The following FAN1 variants were observed in gnomAD, a reference collection of about 807,000 sequenced individuals.
FAN1 encodes fanconi-associated nuclease 1.
FAN1 carries 91 observed loss-of-function variants against 104.9 expected under a neutral mutation model. The ratio of observed to expected loss-of-function variants is 0.87; its 90% CI spans 0.73 to 1.03. The LOEUF (loss-of-function observed/expected upper bound fraction) is 1.03, where lower values mean the gene tolerates loss of function less well. Among genes scored for constraint, FAN1 ranks in the 50% least tolerant of loss-of-function variants. The probability of loss-of-function intolerance (pLI) is 0.00; values close to 1 mark genes in which losing one functional copy is unlikely to be tolerated. For missense variants in FAN1, 1,263 were observed against 1,239.9 expected (o/e 1.02, Z -0.28); for synonymous variants, 478 against 457.6 (o/e 1.04, Z -0.57).
intron 13 of FAN1, among the ~76,000 whole-genome samples, chr15:30,932,550 G>A (rs894232467): frequency 1.3e-5 from 2 of 151,958 alleles, no homozygotes; most frequent in African/African-American, 4.8e-5. Context: ...TGGAGATTTT[G>A]GGGGGAGGAA....
chr15:30,939,594 T>C (rs906630050), intron 14 of FAN1: 17 of 933,784 alleles, frequency 1.8e-5, no homozygotes, highest in Non-Finnish European at 2.2e-5. Flanking sequence ...TTTTTAACCA[T>C]TATTAATAGT....
rs1439483690 is a variant in FAN1 at position 30,904,619 on chromosome 15, T to C, written c.-45T>C. 6.3e-7 allele frequency: 1 copy of C among 1,582,458 alleles called. No individual in the cohort carries two copies. The highest frequency in any genetic ancestry group is 1.3e-5 in the African/African-American group (1 of 74,356). On this transcript the variant is annotated 5_prime_UTR_variant, in exon 2 of 15. Coordinates refer to ENST00000362065, the MANE Select transcript of FAN1 (RefSeq NM_014967.5). ...AACCATTGCTATCTTTCACCTTAAA[T>C]ATCCTGTGTTTTATTGCTCAGAACA... is the stretch of plus-strand genomic sequence containing the variant.
At chr15:30,940,834 T>TA (rs1227818966) in intron 14 of FAN1, 2 of 989,044 alleles carry the variant, frequency 2.0e-6, no homozygotes, top group African/African-American at 1.7e-5. Context: ...CTTCTAAGTT[T>TA]AATTATCTGC....
intron 4 of FAN1, chr15:30,911,664 T>TTA: frequency 1.1e-6 from 1 of 905,230 alleles, no homozygotes; most frequent in Middle Eastern, 5.7e-4. Context: ...CTCATCTGTG[T>TTA]GGTATGTTAA....
At chr15:30,904,256 G>A (rs2061916151) in intron 1 of FAN1, among the ~76,000 whole-genome samples, 1 of 152,186 alleles carries the variant, frequency 6.6e-6, no homozygotes, top group Non-Finnish European at 1.5e-5. Context: ...TGGTCAAATT[G>A]TCCCTTTTTA....
At chr15:30,938,986 A>T (rs917791764) in intron 14 of FAN1, 1 of 985,154 alleles carries the variant, frequency 1.0e-6, no homozygotes, top group African/African-American at 1.7e-5. Flanking sequence ...TTTCCTTCAC[A>T]TTCAATACTG....
chr15:30,938,427 C>T (rs113359789), intron 14 of FAN1, among the ~76,000 whole-genome samples: 2,340 of 152,192 alleles, frequency 0.015, 54 homozygotes, highest in African/African-American at 0.053. Context: ...TGATTGGGCC[C>T]GGATCATGAA....
At chr15:30,928,763 G>A (rs1486866562) in intron 11 of FAN1, 107 bp downstream of exon 11, 20 of 1,550,916 alleles carry the variant, frequency 1.3e-5, no homozygotes, top group Admixed American at 1.0e-4. Flanking sequence ...TCTCTGTTAC[G>A]GTCCTTTGGG....
At position 30,914,219 on chromosome 15, in the gene FAN1, T is replaced by C. The variant is rs1595840722; in HGVS notation, c.1811+128T>C. 4.5e-6 allele frequency: 3 copies of C among 665,020 alleles called. No individual in the cohort carries two copies. In the East Asian group the frequency reaches 8.2e-5, roughly 18 times the overall value. The allele number at this position is 665,020 out of a possible 1,614,324, so 41.2% of individuals were successfully genotyped here. ...AGCCAAAACAGTTTTTAATCTTTTT[T>C]TGCCCCACTTGTATACATTTCTATG... is the stretch of plus-strand genomic sequence containing the variant. On this transcript the variant is annotated intron_variant, in intron 5 of 14. Transcript: ENST00000362065.
intron 2 of FAN1, among the ~76,000 whole-genome samples, chr15:30,906,829 C>T (rs1595826234): frequency 6.6e-6 from 1 of 152,126 alleles, no homozygotes; most frequent in Non-Finnish European, 1.5e-5. Flanking sequence ...CTGTTCTCAC[C>T]AGAAGATGGA....
rs770745828 is a variant in FAN1 at position 30,905,395 on chromosome 15, T to C, written c.732T>C (p.Ala244=). The change falls in exon 2 of 15, where the codon GCT becomes GCC. Residue 244 remains alanine, a synonymous_variant. Transcript: ENST00000362065. ...TAATGGAAGCCGAAAGCCAAAAGGCTACCCGGGAATGTGAGAAATCAGCCC... is the reference window on the plus strand; with the variant it reads ...TAATGGAAGCCGAAAGCCAAAAGGCCACCCGGGAATGTGAGAAATCAGCCC... The part of the protein sequence containing the change: ...SKIMEAESQK[A]TRECEKSALT... The C allele has an allele frequency of 8.7e-6, 14 of 1,614,016 alleles. No homozygotes were observed. The highest frequency in any genetic ancestry group is 1.2e-5 in the Non-Finnish European group (14 of 1,180,022).
intron 11 of FAN1, 74 bp from the exon 12 acceptor site, chr15:30,929,129 T>C: frequency 7.6e-7 from 1 of 1,314,760 alleles, no homozygotes; most frequent in African/African-American, 1.5e-5. Flanking sequence ...AAGTTTTGTA[T>C]GTACTGACTA....
Position 30,925,166 on chromosome 15 carries a change from G to T in FAN1, c.2212G>T (p.Val738Phe). 1 of 1,614,040 alleles carries T rather than the reference G, an allele frequency of 6.2e-7. No homozygotes were observed. Among genetic ancestry groups the T allele is most frequent in the Non-Finnish European group, 8.5e-7 (1 of 1,180,000 alleles). ...CACAGAGGGGCTGGCGGATCCGGAAGTCAGAACGGGACACCGCCTTTCACT... is the reference window on the plus strand; with the variant it reads ...CACAGAGGGGCTGGCGGATCCGGAATTCAGAACGGGACACCGCCTTTCACT... The part of the protein sequence containing the change: ...CITEGLADPE[V>F]RTGHRLSLYQ... Residue 738 changes from valine (V) to phenylalanine (F), a missense_variant, in exon 9 of 15, where the codon GTC becomes TTC. Around this residue, in one of 2 missense-constraint regions of FAN1, gnomAD observed 581 missense variants for 668.8 expected, o/e 0.87. Coordinates refer to ENST00000362065, the MANE Select transcript of FAN1 (RefSeq NM_014967.5).
intron 3 of FAN1, among the ~76,000 whole-genome samples, chr15:30,908,670 A>C (rs2140905043): frequency 6.9e-6 from 1 of 145,790 alleles, no homozygotes; most frequent in East Asian, 2.3e-4. Flanking sequence ...ACATGGAGAA[A>C]CCCCATCTCT....
intron 14 of FAN1, among the ~76,000 whole-genome samples, chr15:30,937,738 T>C (rs2062901638): frequency 6.6e-6 from 1 of 151,700 alleles, no homozygotes; most frequent in Non-Finnish European, 1.5e-5. Context: ...ATTACAGGCA[T>C]TGAGCCACTG....
In FAN1 at chr15:30,943,004, G is replaced by C. The variant is rs1297132618; in HGVS notation, c.*1442G>C. On this transcript the variant is annotated 3_prime_UTR_variant, in exon 15 of 15. Coordinates refer to ENST00000362065, the MANE Select transcript of FAN1 (RefSeq NM_014967.5). ...CCTTTGCTGTAAACTGGAGAGACCA[G>C]TCCCAAACAGAGGGGAATTTTAAGC... 1 of 1,552,202 alleles carries C rather than the reference G, an allele frequency of 6.4e-7. No homozygotes were observed. Among genetic ancestry groups the C allele is most frequent in the African/African-American group, 1.4e-5 (1 of 73,122 alleles).
intron 2 of FAN1, among the ~76,000 whole-genome samples, chr15:30,906,722 A>G (rs2061988027): frequency 6.6e-6 from 1 of 152,236 alleles, no homozygotes; most frequent in Non-Finnish European, 1.5e-5. Context: ...AAATTCGCAC[A>G]GTGAAATTAT....
At position 30,942,170 on chromosome 15, in the gene FAN1, T is replaced by C; in HGVS notation, c.*608T>C. ...TAAACTCAATACTATGAAAAATTAATGGAATTTCAGCCTCAAAGAACATTT... is the reference window on the plus strand; with the variant it reads ...TAAACTCAATACTATGAAAAATTAACGGAATTTCAGCCTCAAAGAACATTT... On this transcript the variant is annotated 3_prime_UTR_variant, in exon 15 of 15. Coordinates refer to ENST00000362065, the MANE Select transcript of FAN1 (RefSeq NM_014967.5). 1.4e-6 allele frequency: 2 copies of C among 1,382,574 alleles called. No homozygotes were observed. The highest frequency in any genetic ancestry group is 2.0e-6 in the Non-Finnish European group (2 of 1,021,292). 85.6% of individuals were successfully genotyped at this position (1,382,574 alleles called of 1,614,324 possible).
intron 6 of FAN1, among the ~76,000 whole-genome samples, chr15:30,919,316 G>A (rs1182081217): frequency 2.0e-5 from 3 of 149,644 alleles, no homozygotes; most frequent in Non-Finnish European, 4.4e-5. Flanking sequence ...GGAGGTGGAG[G>A]TTGTGGTGAG....
Sources: gnomAD v4.1 joint callset for allele counts (sites outside exome capture counted in the v4.1 genomes callset) on GRCh38, gnomAD v4.1.1 for gene constraint, gnomAD v4.1.1 regional missense constraint, MANE v1.5 for transcripts, NCBI Gene and HGNC (gene_info 2026-07-23, HGNC 2026-07-21) for gene names.